The following CX3CR1 variants were observed in gnomAD, a reference collection of about 807,000 sequenced individuals.
CX3CR1 encodes the protein C-X3-C motif chemokine receptor 1.
For missense variants in CX3CR1, 363 were observed against 432.4 expected (o/e 0.84, Z 1.42); for synonymous variants, 168 against 178.5 (o/e 0.94, Z 0.47).
chr3:39,275,707 ATC>A (rs2040832739), intron 1 of CX3CR1, among the ~76,000 whole-genome samples: 1 of 152,282 alleles, frequency 6.6e-6, no homozygotes, highest in Non-Finnish European at 1.5e-5. Flanking sequence ...TGTGGAGAGA[ATC>A]TCTGTGTTGA....
chr3:39,268,125 C>A (rs1009979747), intron 1 of CX3CR1, among the ~76,000 whole-genome samples: 18 of 152,176 alleles, frequency 1.2e-4, no homozygotes, highest in Admixed American at 1.3e-4. Context: ...GAGGGCCCAC[C>A]CAGCCAGGGT....
the CX3CR1 span, chr3:39,287,306 GT>G: frequency 6.6e-6 from 1 of 152,170 alleles, no homozygotes; most frequent in African/African-American, 2.4e-5. Flanking sequence ...TAATCTATAT[GT>G]GGCTGTAGAA....
intron 1 of CX3CR1, among the ~76,000 whole-genome samples, chr3:39,268,979 T>C (rs1186011948): frequency 6.6e-6 from 1 of 152,200 alleles, no homozygotes; most frequent in Non-Finnish European, 1.5e-5. Context: ...ACCCTGGGTA[T>C]CCTGGGAATT....
intron 1 of CX3CR1, among the ~76,000 whole-genome samples, chr3:39,275,871 T>A (rs2040834449): frequency 6.6e-6 from 1 of 151,132 alleles, no homozygotes; most frequent in South Asian, 2.1e-4. Context: ...GGATTGAACC[T>A]CTATATCTGT....
At chr3:39,283,795 T>TTATATAAATA, upstream of CX3CR1, among the ~76,000 whole-genome samples, 1 of 65,298 alleles carries the variant, frequency 1.5e-5, no homozygotes, top group East Asian at 1.4e-3. Flanking sequence ...AAAAAAAAAA[T>TTATATAAATA]TATATATATA....
chr3:39,267,933 G>C (rs572001118), intron 1 of CX3CR1, among the ~76,000 whole-genome samples: 96 of 152,342 alleles, frequency 6.3e-4, no homozygotes, highest in Non-Finnish European at 1.0e-3. Context: ...CGGCTCCTCT[G>C]GGCGTCTCCT....
At chr3:39,285,936 C>T (rs1369585751), upstream of CX3CR1, 1 of 152,172 alleles carries the variant, frequency 6.6e-6, no homozygotes, top group Non-Finnish European at 1.5e-5. Flanking sequence ...TCACAAACAG[C>T]TTTAAAACAG....
At chr3:39,266,559 G>C in intron 1 of CX3CR1, 41 bp from the exon 2 acceptor site, 1 of 1,600,990 alleles carries the variant, frequency 6.2e-7, no homozygotes, top group Non-Finnish European at 8.6e-7. Flanking sequence ...TTAGTTATCA[G>C]AGAAACAAAG....
chr3:39,277,360 C>T (rs2040851194), intron 1 of CX3CR1, among the ~76,000 whole-genome samples: 1 of 152,150 alleles, frequency 6.6e-6, no homozygotes, highest in Admixed American at 6.5e-5. Context: ...GTGAGTGATG[C>T]CAGAGAGCCC....
intron 1 of CX3CR1, chr3:39,266,788 AT>A (rs200620288): frequency 0.2 from 95,414 of 476,952 alleles, 2,695 homozygotes; most frequent in South Asian, 0.22. Context: ...GGCTCTAGGC[AT>A]TTTTTTTTTT....
At chr3:39,273,462 G>A (rs966886987) in intron 1 of CX3CR1, among the ~76,000 whole-genome samples, 5 of 152,194 alleles carry the variant, frequency 3.3e-5, no homozygotes, top group African/African-American at 1.2e-4. Context: ...GTGCTTTTAA[G>A]AGCCACATGT....
intron 1 of CX3CR1, 81 bp downstream of exon 1, chr3:39,279,873 A>T (rs376657423): frequency 1.7e-6 from 1 of 583,994 alleles, no homozygotes; most frequent in South Asian, 7.5e-5. Flanking sequence ...GTCTGCACGT[A>T]AGCAAACAGG....
At chr3:39,280,944 G>T, upstream of CX3CR1, 1 of 261,080 alleles carries the variant, frequency 3.8e-6, no homozygotes, top group Non-Finnish European at 6.0e-6. Context: ...CTGGCCCATG[G>T]TGGCCTTCAA....
chr3:39,283,823 ATATATATATATATATATAAT>A (rs1485066762), upstream of CX3CR1, among the ~76,000 whole-genome samples: 4 of 96,084 alleles, frequency 4.2e-5, 1 homozygote, highest in South Asian at 6.3e-4. Flanking sequence ...ATATATATAT[ATATATATATATATATATAAT>A]GTGGTTAATA....
intron 1 of CX3CR1, among the ~76,000 whole-genome samples, chr3:39,275,108 C>T (rs144879189): frequency 1.1e-4 from 16 of 152,246 alleles, no homozygotes; most frequent in African/African-American, 2.4e-4. Flanking sequence ...GTGATCCACC[C>T]GCCTCAGCCT....
rs567347888 is a variant in CX3CR1, at chr3:39,277,470, C to T, written c.-10+2484G>A. ...TCTGCCATTCTGGTTCCACTCCCTC[C>T]TATGACCGTGACCTGCTGTGGAGCA... On this transcript the variant is annotated intron_variant, in intron 1 of 1. Coordinates refer to ENST00000399220, the MANE Select transcript of CX3CR1 (RefSeq NM_001337.4). Among the ~76,000 whole-genome samples, 22 of 152,342 alleles carry T rather than the reference C, an allele frequency of 1.4e-4. No individual in the cohort carries two copies. The East Asian group carries it at 4.2e-3, about 29-fold the overall frequency.
rs754292581 is a variant in CX3CR1 at position 39,265,576 on chromosome 3, G to A, written c.934C>T (p.Leu312=). The change falls in exon 2 of 2, where the codon CTG becomes TTG. Residue 312 remains leucine (L), a synonymous_variant. Coordinates refer to ENST00000399220, the MANE Select transcript of CX3CR1 (RefSeq NM_001337.4). ...RYLYHLYGKC[L]AVLCGRSVHV... ...ACTGAGCGCCCACACAGGACAGCCAGGCATTTCCCATACAGGTGGTAAAGG... is the reference window on the plus strand; with the variant it reads ...ACTGAGCGCCCACACAGGACAGCCAAGCATTTCCCATACAGGTGGTAAAGG... 1 of 1,614,170 alleles carries A rather than the reference G, an allele frequency of 6.2e-7. No individual in the cohort carries two copies.
the CX3CR1 span, chr3:39,287,292 G>T: frequency 6.6e-6 from 1 of 152,112 alleles, no homozygotes; most frequent in Non-Finnish European, 1.5e-5. Flanking sequence ...AGGTAATGAA[G>T]ACCTAATCTA....
chr3:39,268,476 G>GACA (rs769554509), intron 1 of CX3CR1, among the ~76,000 whole-genome samples: 1 of 152,188 alleles, frequency 6.6e-6, no homozygotes, highest in African/African-American at 2.4e-5. Context: ...CACAGAGCAT[G>GACA]ATCTTCCCAG....
Sources: gnomAD v4.1 joint callset for allele counts (sites outside exome capture counted in the v4.1 genomes callset) on GRCh38, gnomAD v4.1.1 for gene constraint, MANE v1.5 for transcripts, NCBI Gene and HGNC (gene_info 2026-07-23, HGNC 2026-07-21) for gene names.